Variants in SOX5 observed in about 807,000 individuals in gnomAD.
SOX5 encodes SRY-box transcription factor 5, also known as transcription factor SOX-5.
In SOX5, 9 loss-of-function variants were observed where a neutral mutation model predicts 92.0. That is an observed-to-expected ratio of 0.10 (90% CI 0.06 to 0.17). The LOEUF (loss-of-function observed/expected upper bound fraction) is 0.17. SOX5 is among the 10% of genes least tolerant of loss of function. SOX5 has a pLI of 1.00. For missense variants in SOX5, 642 were observed against 944.5 expected (o/e 0.68, Z 4.20); for synonymous variants, 344 against 336.3 (o/e 1.02, Z -0.25).
intron 7 of SOX5, among the ~76,000 whole-genome samples, chr12:23,653,929 T>C (rs533816290): frequency 6.6e-6 from 1 of 152,220 alleles, no homozygotes; most frequent in South Asian, 2.1e-4. Context: ...CTGACACACT[T>C]AAGCCTATTA....
intron 2 of SOX5, among the ~76,000 whole-genome samples, chr12:24,312,785 T>C (rs751365503): frequency 2.0e-5 from 3 of 152,176 alleles, no homozygotes; most frequent in Non-Finnish European, 4.4e-5. Context: ...CTCTCCAAAC[T>C]CATGAAGCAA....
At chr12:23,549,667 C>T (rs1005306397) in intron 11 of SOX5, among the ~76,000 whole-genome samples, 1 of 151,786 alleles carries the variant, frequency 6.6e-6, no homozygotes, top group Non-Finnish European at 1.5e-5. Flanking sequence ...TGTAAAAGTC[C>T]TGGGGTATGG....
intron 4 of SOX5, among the ~76,000 whole-genome samples, chr12:24,050,635 T>C (rs910468676): frequency 6.6e-6 from 1 of 152,162 alleles, no homozygotes; most frequent in African/African-American, 2.4e-5. Context: ...AAAGAGGTAA[T>C]GTCTAGTATA....
intron 1 of SOX5, among the ~76,000 whole-genome samples, chr12:23,930,980 T>C (rs1220052534): frequency 1.3e-5 from 2 of 151,784 alleles, no homozygotes; most frequent in Non-Finnish European, 2.9e-5. Flanking sequence ...TTTTCCTTCA[T>C]TGCAATTGCT....
At chr12:23,963,479 G>T (rs1288337613) in intron 4 of SOX5, among the ~76,000 whole-genome samples, 2 of 152,050 alleles carry the variant, frequency 1.3e-5, no homozygotes, top group African/African-American at 4.8e-5. Flanking sequence ...CAGGATTCAG[G>T]GGAATGTCCT....
rs138717693 is a variant in SOX5 at position 23,944,532 on chromosome 12, C to A, written c.38+5032G>T. Among the ~76,000 whole-genome samples, 7 of 152,244 alleles carry A rather than the reference C, an allele frequency of 4.6e-5. No homozygotes were observed. The East Asian group carries it at 1.4e-3, about 29-fold the overall frequency. ...CAGAGGTCAGAAAGAATAAAAAGGT[C>A]TTCTCCTAAACCACTATCAGTTCCT... On this transcript the variant is annotated intron_variant, in intron 1 of 14. Coordinates refer to ENST00000451604, the MANE Select transcript of SOX5 (RefSeq NM_006940.6).
At chr12:23,819,730 A>T (rs1310874724) in intron 3 of SOX5, among the ~76,000 whole-genome samples, 1 of 152,082 alleles carries the variant, frequency 6.6e-6, no homozygotes. Flanking sequence ...TTTCCAGTGT[A>T]TCCATGTCCC....
intron 9 of SOX5, among the ~76,000 whole-genome samples, chr12:23,583,589 T>C (rs184418606): frequency 6.6e-6 from 1 of 152,242 alleles, no homozygotes; most frequent in African/African-American, 2.4e-5. Flanking sequence ...ATAGTGTTCA[T>C]TACGGCTGGA....
intron 4 of SOX5, among the ~76,000 whole-genome samples, chr12:24,201,619 T>A (rs1183555380): frequency 6.6e-6 from 1 of 152,222 alleles, no homozygotes; most frequent in Non-Finnish European, 1.5e-5. Context: ...AACAAGCTGG[T>A]GTTGCACAGA....
chr12:24,449,982 C>G lies in SOX5; in HGVS notation c.-250-81343G>C, dbSNP rs1024456673. Among the ~76,000 whole-genome samples the G allele has an allele frequency of 2.0e-5, 3 of 152,166 alleles. No individual in the cohort carries two copies. In the East Asian group the frequency reaches 5.8e-4, roughly 29 times the overall value. ...TTACTACCTATCTTTAAGACCAAAT[C>G]CTAAGACTACCTTTCTTTTGACACA... On this transcript the variant is annotated intron_variant, in intron 1 of 4. Transcript: ENST00000446891.
chr12:23,702,957 G>T (rs1236690174), intron 6 of SOX5, among the ~76,000 whole-genome samples: 1 of 151,960 alleles, frequency 6.6e-6, no homozygotes, highest in African/African-American at 2.4e-5. Flanking sequence ...TTGTCCATGG[G>T]TAACTGCACA....
chr12:23,719,881 G>C (rs2092721071), intron 6 of SOX5, among the ~76,000 whole-genome samples: 1 of 149,562 alleles, frequency 6.7e-6, no homozygotes, highest in African/African-American at 2.5e-5. Flanking sequence ...TGCTGTTCAA[G>C]AGTGATTTTG....
chr12:24,297,920 A>C (rs1227642152), intron 2 of SOX5, among the ~76,000 whole-genome samples: 2 of 152,180 alleles, frequency 1.3e-5, no homozygotes, highest in Non-Finnish European at 2.9e-5. Context: ...CCATATGAAT[A>C]CTAGATGACA....
intron 4 of SOX5, among the ~76,000 whole-genome samples, chr12:23,749,935 A>G (rs1179089137): frequency 2.0e-5 from 3 of 151,780 alleles, no homozygotes; most frequent in East Asian, 3.9e-4. Context: ...GGGCTGGTCA[A>G]TATGTAAACA....
intron 2 of SOX5, among the ~76,000 whole-genome samples, chr12:24,358,555 T>C (rs994860353): frequency 1.1e-4 from 17 of 150,752 alleles, no homozygotes; most frequent in African/African-American, 3.7e-4. Context: ...GAGCTTGCAG[T>C]GAGCCAAGAT....
intron 1 of SOX5, among the ~76,000 whole-genome samples, chr12:24,451,058 G>A (rs1311286735): frequency 6.6e-6 from 1 of 152,020 alleles, no homozygotes; most frequent in East Asian, 1.9e-4. Context: ...TTGTCTTTCT[G>A]TGCCTGGCTT....
At chr12:23,875,056 A>G (rs1395275780) in intron 2 of SOX5, among the ~76,000 whole-genome samples, 1 of 152,202 alleles carries the variant, frequency 6.6e-6, no homozygotes, top group Admixed American at 6.5e-5. Flanking sequence ...GCCCAAGGTT[A>G]TGACCACAAG....
At chr12:24,441,779 A>T (rs545223311) in intron 1 of SOX5, among the ~76,000 whole-genome samples, 1 of 152,314 alleles carries the variant, frequency 6.6e-6, no homozygotes, top group South Asian at 2.1e-4. Flanking sequence ...TTTTTTAGGA[A>T]ACCATTTTAT....
intron 9 of SOX5, among the ~76,000 whole-genome samples, chr12:23,591,739 C>T (rs967900476): frequency 1.3e-5 from 2 of 152,108 alleles, no homozygotes; most frequent in Non-Finnish European, 2.9e-5. Context: ...CTTTGATCCT[C>T]AGAAGAGTTG....
Sources: gnomAD v4.1 joint callset for allele counts (sites outside exome capture counted in the v4.1 genomes callset) on GRCh38, gnomAD v4.1.1 for gene constraint, MANE v1.5 for transcripts, NCBI Gene and HGNC (gene_info 2026-07-23, HGNC 2026-07-21) for gene names.